The following CYB5D2 variants were observed in gnomAD, a reference collection of about 807,000 sequenced individuals.
CYB5D2 encodes the protein cytochrome b5 domain containing 2.
Under a neutral mutation model 22.8 loss-of-function variants are expected in CYB5D2, and 23 were observed. That is an observed-to-expected ratio of 1.01 (90% confidence interval 0.73 to 1.43). The LOEUF (loss-of-function observed/expected upper bound fraction) is 1.43, where lower values mean the gene tolerates loss of function less well. CYB5D2 is among the 40% of genes most tolerant of loss of function. The pLI, the probability that CYB5D2 is intolerant of heterozygous loss-of-function variation, is 0.00. For missense variants in CYB5D2, 373 were observed against 357.2 expected (o/e 1.04, Z -0.36); for synonymous variants, 170 against 152.2 (o/e 1.12, Z -0.86).
intron 1 of CYB5D2, among the ~76,000 whole-genome samples, chr17:4,145,131 T>G (rs1430308819): frequency 6.6e-6 from 1 of 152,148 alleles, no homozygotes; most frequent in Non-Finnish European, 1.5e-5. Context: ...CCAGCGGGAC[T>G]GACCTCCAAA....
rs948242885 is a variant in CYB5D2, at chr17:4,157,249, G to A, written c.*167G>A. On this transcript the variant is annotated 3_prime_UTR_variant, in exon 4 of 4. Coordinates refer to ENST00000301391, the MANE Select transcript of CYB5D2 (RefSeq NM_144611.4). The surrounding 1 kb of genome is among the most constrained non-coding windows in gnomAD (Gnocchi z 4.4). ...CTCATGCCCCTTACCGTGGCTCGGC[G>A]TTGTGGTGCCTGAGGGACAGCCGGC... The A allele has an allele frequency of 1.1e-5, 9 of 783,336 alleles. No individual in the cohort carries two copies. The highest frequency in any genetic ancestry group is 5.4e-5 in the East Asian group (2 of 37,244). The allele number at this position is 783,336 out of a possible 1,614,324, so 48.5% of individuals were successfully genotyped here. A position where few individuals can be genotyped will look rare whatever the true frequency, so the allele number is the denominator to read the frequency against.
intron 2 of CYB5D2, chr17:4,150,996 A>G (rs1475614715): frequency 6.6e-6 from 1 of 152,236 alleles, no homozygotes; most frequent in Non-Finnish European, 1.5e-5. Context: ...CCTGAGGAAC[A>G]CCAGTATCAC....
At chr17:4,152,648 C>G (rs867399485) in intron 2 of CYB5D2, among the ~76,000 whole-genome samples, 3 of 152,212 alleles carry the variant, frequency 2.0e-5, no homozygotes, top group Admixed American at 6.5e-5. Flanking sequence ...CACAGACACC[C>G]CAACCCCCGT....
intron 1 of CYB5D2, among the ~76,000 whole-genome samples, chr17:4,147,692 A>G (rs918331964): frequency 6.6e-5 from 10 of 152,210 alleles, no homozygotes; most frequent in Non-Finnish European, 1.5e-5. Context: ...CATCTCTACT[A>G]AAAATACAAA....
At chr17:4,144,489 A>G (rs188444101) in intron 1 of CYB5D2, among the ~76,000 whole-genome samples, 117 of 152,242 alleles carry the variant, frequency 7.7e-4, no homozygotes, top group Non-Finnish European at 1.1e-3. Context: ...AGCATGCATC[A>G]ATACTTTATT....
rs565765845 is a variant in CYB5D2, at chr17:4,143,848, C to T, written c.93C>T (p.Pro31=). The T allele has an allele frequency of 1.2e-5, 19 of 1,614,116 alleles. No individual in the cohort carries two copies. The highest frequency in any genetic ancestry group is 1.5e-5 in the Non-Finnish European group (18 of 1,179,994). Residue 31 remains proline (P), a synonymous_variant, in exon 1 of 4, where the codon CCC becomes CCT. Transcript: ENST00000301391. ...MAARLMGWWG[P]RAGFRLFIPE... ...CACGGCTTATGGGCTGGTGGGGTCCCCGCGCTGGCTTTCGCCTTTTCATAC... is the reference window on the plus strand; with the variant it reads ...CACGGCTTATGGGCTGGTGGGGTCCTCGCGCTGGCTTTCGCCTTTTCATAC...
chr17:4,156,716 C>T, intron 3 of CYB5D2, 150 bp from the exon 4 acceptor site: 1 of 815,186 alleles, frequency 1.2e-6, no homozygotes, highest in Non-Finnish European at 1.9e-6. Flanking sequence ...CATGAAGGCT[C>T]AGGGGCTGAG....
intron 2 of CYB5D2, among the ~76,000 whole-genome samples, chr17:4,152,047 G>T (rs921216893): frequency 9.9e-5 from 15 of 151,876 alleles, no homozygotes; most frequent in African/African-American, 2.7e-4. Context: ...AATGGGCAAA[G>T]AATGCCAGGC....
intron 2 of CYB5D2, among the ~76,000 whole-genome samples, chr17:4,152,125 G>A (rs9896297): frequency 0.95 from 144,271 of 152,234 alleles, 68,869 homozygotes; most frequent in East Asian, 1. Flanking sequence ...TGACAAGTGA[G>A]CTGGTCTTGT....
intron 1 of CYB5D2, among the ~76,000 whole-genome samples, chr17:4,149,172 A>G (rs2059026361): frequency 1.3e-5 from 2 of 152,138 alleles, no homozygotes; most frequent in South Asian, 2.1e-4. Context: ...TACAGGTGTG[A>G]GCCTTGGGAG....
At chr17:4,148,895 A>G (rs1238818606) in intron 1 of CYB5D2, among the ~76,000 whole-genome samples, 5 of 151,926 alleles carry the variant, frequency 3.3e-5, no homozygotes. Context: ...GCAATACTGG[A>G]GTAGATACAG....
chr17:4,144,579 A>T (rs886190722), intron 1 of CYB5D2, among the ~76,000 whole-genome samples: 23 of 152,216 alleles, frequency 1.5e-4, no homozygotes, highest in African/African-American at 5.5e-4. Context: ...TGCCTTCCTT[A>T]GAAGGTTAGG....
intron 3 of CYB5D2, 148 bp from the exon 4 acceptor site, chr17:4,156,716 CAG>C (rs1220880025): frequency 1.6e-5 from 13 of 815,068 alleles, no homozygotes; most frequent in Middle Eastern, 3.6e-4. Flanking sequence ...CATGAAGGCT[CAG>C]GGGCTGAGCG....
intron 1 of CYB5D2, among the ~76,000 whole-genome samples, chr17:4,148,516 CA>C (rs34632039): frequency 0.57 from 56,510 of 98,702 alleles, 15,966 homozygotes; most frequent in East Asian, 0.83. Flanking sequence ...GACTCAGTCT[CA>C]AAAAAAAAAA....
At chr17:4,154,642 T>C in intron 2 of CYB5D2, 32 bp from the exon 3 acceptor site, 1 of 1,604,500 alleles carries the variant, frequency 6.2e-7, no homozygotes, top group East Asian at 2.2e-5. Flanking sequence ...GAGTATTCAC[T>C]CTCACTCACA....
At chr17:4,144,584 G>A (rs372202846) in intron 1 of CYB5D2, among the ~76,000 whole-genome samples, 4 of 152,156 alleles carry the variant, frequency 2.6e-5, no homozygotes, top group South Asian at 4.1e-4. Flanking sequence ...TCCTTAGAAG[G>A]TTAGGGCAGA....
chr17:4,144,119 C>A, intron 1 of CYB5D2, 114 bp downstream of exon 1: 1 of 1,405,152 alleles, frequency 7.1e-7, no homozygotes, highest in Non-Finnish European at 9.5e-7. Context: ...CACCCCACAT[C>A]CATCAAACCC....
At chr17:4,154,003 GTGC>G (rs1384502045) in intron 2 of CYB5D2, among the ~76,000 whole-genome samples, 14 of 152,234 alleles carry the variant, frequency 9.2e-5, no homozygotes, top group Non-Finnish European at 1.9e-4. Flanking sequence ...CTTGTGGCAG[GTGC>G]TGCCTCTGAA....
chr17:4,146,680 GC>G (rs1321930085), intron 1 of CYB5D2, among the ~76,000 whole-genome samples: 2 of 149,790 alleles, frequency 1.3e-5, no homozygotes, highest in Non-Finnish European at 3.0e-5. Flanking sequence ...CTGAGCCACC[GC>G]GCCTGGCCCG....
Sources: allele counts gnomAD v4.1 joint callset (sites outside exome capture counted in the v4.1 genomes callset), GRCh38; gene constraint gnomAD v4.1.1; non-coding constraint Gnocchi (gnomAD v3.1); transcripts MANE v1.5; gene names NCBI Gene and HGNC (gene_info 2026-07-23, HGNC 2026-07-21).